Variants in TANC2 observed in about 807,000 individuals in gnomAD.
TANC2 encodes protein TANC2.
TANC2 carries 26 observed loss-of-function variants against 210.5 expected under a neutral mutation model. The observed-to-expected ratio is 0.12, with a 90% CI of 0.09 to 0.17. The LOEUF is 0.17. Among genes scored for constraint, TANC2 ranks in the 10% least tolerant of loss-of-function variants. TANC2 has a pLI of 1.00. For synonymous variants in TANC2, 931 were observed against 967.1 expected, an observed-to-expected ratio of 0.96 and a Z score of 0.69; for missense variants, 2,129 against 2,608.9, an observed-to-expected ratio of 0.82 and a Z score of 4.01.
chr17:62,998,897 T>C (rs2033242243), intron 1 of TANC2, among the ~76,000 whole-genome samples: 1 of 152,162 alleles, frequency 6.6e-6, no homozygotes, highest in African/African-American at 2.4e-5. Flanking sequence ...CAAATCCACA[T>C]ATATCAATAT....
intron 11 of TANC2, among the ~76,000 whole-genome samples, chr17:63,334,857 G>A (rs2146745129): frequency 6.6e-6 from 1 of 152,316 alleles, no homozygotes; most frequent in East Asian, 1.9e-4. Context: ...GTATGAGCAT[G>A]GCATGTGTCC....
chr17:63,151,292 T>C (rs1327488945), exon 5 of TANC2: 1 of 985,668 alleles, frequency 1.0e-6, no homozygotes, highest in Non-Finnish European at 1.2e-6. Flanking sequence ...AGGCAAAGTT[T>C]GTTGAGAGCC....
chr17:63,389,776 C>G (rs953926148), intron 17 of TANC2: 2 of 527,930 alleles, frequency 3.8e-6, no homozygotes, highest in Non-Finnish European at 6.8e-6. Context: ...TGCATTTATC[C>G]GTAACCACAA....
intron 21 of TANC2, among the ~76,000 whole-genome samples, chr17:63,407,330 C>G (rs2048544061): frequency 6.6e-6 from 1 of 152,176 alleles, no homozygotes; most frequent in Non-Finnish European, 1.5e-5. Flanking sequence ...CTTCATTCTG[C>G]TGGGGAAGCA....
intron 5 of TANC2, among the ~76,000 whole-genome samples, chr17:63,191,612 G>A (rs368713531): frequency 3.3e-5 from 5 of 151,658 alleles, no homozygotes; most frequent in East Asian, 2.0e-4. Context: ...ACAGGCGCGC[G>A]CCACCACACC....
intron 11 of TANC2, among the ~76,000 whole-genome samples, chr17:63,320,895 A>G (rs2045473284): frequency 6.6e-6 from 1 of 152,144 alleles, no homozygotes; most frequent in Non-Finnish European, 1.5e-5. Flanking sequence ...TACAACTCGT[A>G]TTAATAAAAA....
intron 8 of TANC2, among the ~76,000 whole-genome samples, chr17:63,247,290 A>T (rs546773314): frequency 5.3e-5 from 8 of 151,550 alleles, no homozygotes; most frequent in South Asian, 4.2e-4. Flanking sequence ...CAATTTGTCA[A>T]TTTTTTTTCT....
rs187592881 is a variant in TANC2 at position 63,355,698 on chromosome 17, C to T, written c.2582+308C>T. 3.9e-3 allele frequency among the ~76,000 whole-genome samples: 599 copies of T among 152,280 alleles called. 4 individuals carry two copies. Among genetic ancestry groups the T allele is most frequent in the Non-Finnish European group, 5.9e-3 (402 of 68,020 alleles). ...ATTAAGTTAACCATTTAATGGACTTCCTCAGTATTATTATTCTGATATGAA... is the reference window on the plus strand; with the variant it reads ...ATTAAGTTAACCATTTAATGGACTTTCTCAGTATTATTATTCTGATATGAA... On this transcript the variant is annotated intron_variant, in intron 14 of 27. Transcript: ENST00000689528.
intron 4 of TANC2, among the ~76,000 whole-genome samples, chr17:63,133,254 G>A (rs1156251965): frequency 2.6e-5 from 4 of 151,924 alleles, no homozygotes; most frequent in Admixed American, 6.6e-5. Context: ...TTACAGGTGT[G>A]TGCCACCACG....
rs377724060 is a variant in TANC2, at chr17:63,056,022, T to C, written c.68-17921T>C. Reference sequence around the variant, plus strand: ...ATATATATATATATATATATATATATATGCCAGGGGTGGTGGCTCCCACCT... The same window carrying C: ...ATATATATATATATATATATATATACATGCCAGGGGTGGTGGCTCCCACCT... On this transcript the variant is annotated intron_variant, in intron 2 of 27. Transcript: ENST00000689528. 3.0e-5 allele frequency among the ~76,000 whole-genome samples: 3 copies of C among 101,288 alleles called. 1 individual carries two copies. Among genetic ancestry groups the C allele is most frequent in the Non-Finnish European group, 6.2e-5 (3 of 48,114 alleles). The allele number at this position is 101,288 out of a possible 152,430, so 66.4% of individuals were successfully genotyped here.
At chr17:63,185,265 A>G (rs2040941257) in intron 5 of TANC2, among the ~76,000 whole-genome samples, 1 of 151,706 alleles carries the variant, frequency 6.6e-6, no homozygotes, top group Non-Finnish European at 1.5e-5. Context: ...TAGTTTTTGT[A>G]TTTTTTTGGT....
intron 1 of TANC2, among the ~76,000 whole-genome samples, chr17:62,974,439 ATTAG>A (rs142993278): frequency 0.034 from 5,246 of 152,278 alleles, 302 homozygotes; most frequent in African/African-American, 0.12. Context: ...GATTTTGTAT[ATTAG>A]TTTGTTAGGC....
intron 1 of TANC2, among the ~76,000 whole-genome samples, chr17:62,989,984 G>A (rs2032776859): frequency 6.6e-6 from 1 of 151,892 alleles, no homozygotes; most frequent in African/African-American, 2.4e-5. Context: ...GTCTTGGTCA[G>A]TCTGGTCTGC....
At chr17:63,236,560 G>A (rs951755020) in intron 7 of TANC2, among the ~76,000 whole-genome samples, 5 of 151,974 alleles carry the variant, frequency 3.3e-5, no homozygotes, top group South Asian at 2.1e-4. Context: ...CATAAATTGC[G>A]TAGTGGTGAA....
chr17:63,107,508 T>G (rs1272784415), intron 4 of TANC2, among the ~76,000 whole-genome samples: 1 of 151,760 alleles, frequency 6.6e-6, no homozygotes, highest in Non-Finnish European at 1.5e-5. Context: ...AAAGAAAACA[T>G]ATGTTCACAC....
At chr17:63,398,824 G>A (rs1319792567) in exon 19 of TANC2, 2 of 1,578,658 alleles carry the variant, frequency 1.3e-6, no homozygotes, top group African/African-American at 2.7e-5. Context: ...GTTTCAGATT[G>A]TCTCCTACCT....
intron 4 of TANC2, among the ~76,000 whole-genome samples, chr17:63,103,122 T>C (rs1341553212): frequency 6.6e-6 from 1 of 152,194 alleles, no homozygotes; most frequent in African/African-American, 2.4e-5. Flanking sequence ...TTCCTGATCT[T>C]TAAATAGTCA....
intron 2 of TANC2, among the ~76,000 whole-genome samples, chr17:63,062,077 A>T (rs2036016909): frequency 6.6e-6 from 1 of 151,752 alleles, no homozygotes; most frequent in Non-Finnish European, 1.5e-5. Context: ...TACAGCTTTA[A>T]TTTTTTTTAA....
At chr17:63,157,854 A>G (rs577627175) in intron 5 of TANC2, among the ~76,000 whole-genome samples, 2 of 152,174 alleles carry the variant, frequency 1.3e-5, no homozygotes, top group African/African-American at 4.8e-5. Flanking sequence ...GGCTCGAGCA[A>G]TCCTCCCACC....
Sources: gnomAD v4.1 joint callset for allele counts (sites outside exome capture counted in the v4.1 genomes callset) on GRCh38, gnomAD v4.1.1 for gene constraint, MANE v1.5 for transcripts, NCBI Gene and HGNC (gene_info 2026-07-23, HGNC 2026-07-21) for gene names.